The following EEPD1 variants were observed in gnomAD, a reference collection of about 807,000 sequenced individuals.
The protein encoded by EEPD1 is endonuclease/exonuclease/phosphatase family domain-containing protein 1.
A neutral mutation model predicts 46.3 loss-of-function variants in EEPD1; 17 were observed. That is an observed-to-expected ratio of 0.37 (90% CI 0.25 to 0.55). The LOEUF (loss-of-function observed/expected upper bound fraction) is 0.55. Ranked by LOEUF, EEPD1 falls within the 20% of genes least tolerant of loss-of-function variation. EEPD1 has a pLI of 0.83. For synonymous variants in EEPD1, 313 were observed against 315.6 expected, an observed-to-expected ratio of 0.99 and a Z score of 0.09; for missense variants, 673 against 745.6, an observed-to-expected ratio of 0.90 and a Z score of 1.13.
chr7:36,184,775 G>A (rs1264753643), intron 2 of EEPD1, among the ~76,000 whole-genome samples: 1 of 152,052 alleles, frequency 6.6e-6, no homozygotes, highest in Admixed American at 6.5e-5. Context: ...CTGTCACCCA[G>A]GCTGGAGTGC....
chr7:36,172,877 G>A (rs950822464), intron 2 of EEPD1, among the ~76,000 whole-genome samples: 7 of 137,420 alleles, frequency 5.1e-5, no homozygotes, highest in Admixed American at 7.7e-5. Flanking sequence ...TCAGACTTAC[G>A]ACTAGTGTCT....
intron 5 of EEPD1, 146 bp downstream of exon 5, chr7:36,284,966 C>G (rs552395609): frequency 6.1e-6 from 7 of 1,154,892 alleles, no homozygotes; most frequent in Non-Finnish European, 4.6e-6. Flanking sequence ...TTTTGTCTCT[C>G]CTGGGGCTTC....
chr7:36,230,080 C>G (rs1583821885), intron 2 of EEPD1, among the ~76,000 whole-genome samples: 1 of 152,050 alleles, frequency 6.6e-6, no homozygotes, highest in East Asian at 1.9e-4. Flanking sequence ...CCCTTCAGCC[C>G]CCAGTTTCAC....
chr7:36,213,355 TG>T (rs1281817921), intron 2 of EEPD1, among the ~76,000 whole-genome samples: 1 of 151,934 alleles, frequency 6.6e-6, no homozygotes, highest in Non-Finnish European at 1.5e-5. Context: ...GTGTCTGAGA[TG>T]GGGAAAAGGG....
chr7:36,296,159 A>G (rs555730633), intron 6 of EEPD1, among the ~76,000 whole-genome samples: 257 of 151,982 alleles, frequency 1.7e-3, no homozygotes, highest in African/African-American at 5.9e-3. Flanking sequence ...AACATGATGG[A>G]TGGATGGATA....
At chr7:36,235,404 T>A (rs1786415423) in intron 2 of EEPD1, among the ~76,000 whole-genome samples, 1 of 152,258 alleles carries the variant, frequency 6.6e-6, no homozygotes, top group Admixed American at 6.5e-5. Context: ...GCTAGTCATC[T>A]CTGCCCTTGG....
rs574786358 is a variant in EEPD1 at position 36,186,406 on chromosome 7, G to A, written c.878+31204G>A. On this transcript the variant is annotated intron_variant, in intron 2 of 7. Coordinates refer to ENST00000242108, the MANE Select transcript of EEPD1 (RefSeq NM_030636.3). The stretch of plus-strand genomic sequence containing the variant: ...CTTTCATAAGTGGGGTCAACCTGAA[G>A]TTCTAAGTGTGATTCCCAGAGGGAA... Among the ~76,000 whole-genome samples, 6 of 152,298 alleles carry A rather than the reference G, an allele frequency of 3.9e-5. No homozygotes were observed. In the South Asian group the frequency reaches 1.2e-3, roughly 32 times the overall value.
chr7:36,219,632 G>A (rs1376010641), intron 2 of EEPD1, among the ~76,000 whole-genome samples: 42 of 145,848 alleles, frequency 2.9e-4, no homozygotes, highest in Non-Finnish European at 8.9e-5. Flanking sequence ...AGGAAAGAAG[G>A]AAAGAAAAGA....
chr7:36,202,779 C>A (rs1485646520), intron 2 of EEPD1, among the ~76,000 whole-genome samples: 1 of 152,194 alleles, frequency 6.6e-6, no homozygotes, highest in African/African-American at 2.4e-5. Context: ...GCCCTGAACA[C>A]TGGACCTTAC....
At chr7:36,298,286 G>T (rs1316955092) in intron 7 of EEPD1, among the ~76,000 whole-genome samples, 3 of 152,344 alleles carry the variant, frequency 2.0e-5, no homozygotes, top group Non-Finnish European at 4.4e-5. Context: ...CTGGAAGGAA[G>T]TTGGAAATCC....
chr7:36,156,935 T>TC (rs1784834805), intron 2 of EEPD1, among the ~76,000 whole-genome samples: 1 of 152,068 alleles, frequency 6.6e-6, no homozygotes, highest in African/African-American at 2.4e-5. Context: ...ACCTGTGGGT[T>TC]CCACATCCAT....
chr7:36,178,423 C>G (rs1051342017), intron 2 of EEPD1, among the ~76,000 whole-genome samples: 9 of 152,322 alleles, frequency 5.9e-5, no homozygotes, highest in Middle Eastern at 6.8e-3. Flanking sequence ...GCCACGGGGG[C>G]CCTCCCCCTA....
intron 2 of EEPD1, among the ~76,000 whole-genome samples, chr7:36,166,337 A>G (rs1047737007): frequency 2.0e-5 from 3 of 152,260 alleles, no homozygotes; most frequent in South Asian, 2.1e-4. Flanking sequence ...AGTTGCTTCT[A>G]TCTTTTAAAC....
chr7:36,296,915 C>T lies in EEPD1; in HGVS notation c.1316-78C>T, dbSNP rs79767813. The T allele has an allele frequency of 8.2e-4, 1,205 of 1,463,534 alleles. 17 individuals carry two copies. In the African/African-American group the frequency reaches 0.015, roughly 18 times the overall value. The allele number at this position is 1,463,534 out of a possible 1,614,324, so 90.7% of individuals were successfully genotyped here. On this transcript the variant is annotated intron_variant, in intron 6 of 7. Transcript: ENST00000242108. ...GAGTCAAGTCAGAGAATCTCAATCC[C>T]GTTTCAAAGGGCCACGGTCAGTGTT... is the stretch of plus-strand genomic sequence containing the variant.
chr7:36,198,989 C>A (rs1785663085), intron 2 of EEPD1, among the ~76,000 whole-genome samples: 1 of 152,062 alleles, frequency 6.6e-6, no homozygotes. Context: ...GAAAGAGCCT[C>A]TTCTTCTCCT....
At chr7:36,218,405 A>G (rs1384790174) in intron 2 of EEPD1, among the ~76,000 whole-genome samples, 1 of 151,952 alleles carries the variant, frequency 6.6e-6, no homozygotes, top group Non-Finnish European at 1.5e-5. Context: ...AAACTAAAAA[A>G]AAAATTATAA....
intron 2 of EEPD1, among the ~76,000 whole-genome samples, chr7:36,201,865 T>C (rs1398806652): frequency 6.6e-6 from 1 of 152,226 alleles, no homozygotes; most frequent in East Asian, 1.9e-4. Context: ...AATTGAGCCC[T>C]GCATCCTGCC....
intron 2 of EEPD1, among the ~76,000 whole-genome samples, chr7:36,160,687 G>GGA (rs1784891084): frequency 6.8e-6 from 1 of 147,376 alleles, no homozygotes; most frequent in Non-Finnish European, 1.5e-5. Flanking sequence ...GGGGGGCGGG[G>GGA]CGTGCATGGA....
chr7:36,271,135 C>T (rs1279407593), intron 3 of EEPD1, among the ~76,000 whole-genome samples: 16 of 151,834 alleles, frequency 1.1e-4, no homozygotes, highest in Admixed American at 3.3e-4. Flanking sequence ...TACAGGCGCC[C>T]GCCACCACGC....
Sources: gnomAD v4.1 joint callset for allele counts (sites outside exome capture counted in the v4.1 genomes callset) on GRCh38, gnomAD v4.1.1 for gene constraint, MANE v1.5 for transcripts, NCBI Gene and HGNC (gene_info 2026-07-23, HGNC 2026-07-21) for gene names.